PRKDC: variants seen among roughly 807,000 people sequenced by gnomAD.
PRKDC encodes the protein DNA-dependent protein kinase catalytic subunit.
Under a neutral mutation model 486.9 loss-of-function variants are expected in PRKDC, and 82 were observed. That is an observed-to-expected ratio of 0.17 (90% confidence interval 0.14 to 0.20). PRKDC has a LOEUF of 0.20. PRKDC is among the 10% of genes least tolerant of loss of function. PRKDC has a pLI of 1.00. For missense variants in PRKDC, 4,504 were observed against 5,038.2 expected, an observed-to-expected ratio of 0.89 and a Z score of 3.21; for synonymous variants, 1,895 against 1,837.0, an observed-to-expected ratio of 1.03 and a Z score of -0.81.
At chr8:47,849,570 TTTATC>T (rs1434155385) in intron 52 of PRKDC, 67 bp from the exon 53 acceptor site, 2 of 1,541,978 alleles carry the variant, frequency 1.3e-6, no homozygotes, top group South Asian at 1.2e-5. Context: ...GAAAGCAAAG[TTTATC>T]TTGAGTATTT....
chr8:47,879,781 C>A, intron 38 of PRKDC, 123 bp from the exon 39 acceptor site: 2 of 665,158 alleles, frequency 3.0e-6, no homozygotes, highest in Non-Finnish European at 2.2e-6. Flanking sequence ...ATGGCTTCAC[C>A]ATAATTTCTA....
chr8:47,853,489 CAAAG>C (rs1315131225), intron 51 of PRKDC, among the ~76,000 whole-genome samples: 1 of 152,126 alleles, frequency 6.6e-6, no homozygotes, highest in East Asian at 1.9e-4. Flanking sequence ...AGGAGCAGGA[CAAAG>C]ATGTCCTGCT....
In PRKDC at chr8:47,777,365, C is replaced by T. The variant is rs1006718051; in HGVS notation, c.12042+321G>A. The stretch of plus-strand genomic sequence containing the variant: ...CTGGGATTACAGGTGTGCGTTACCA[C>T]GCCCAGCTAATTTCTGTATTTTTAG... On this transcript the variant is annotated intron_variant, in intron 84 of 85. Transcript: ENST00000314191. Among the ~76,000 whole-genome samples, 7 of 152,110 alleles carry T rather than the reference C, an allele frequency of 4.6e-5. No individual in the cohort carries two copies. In the South Asian group the frequency reaches 6.2e-4, roughly 14 times the overall value.
chr8:47,942,376 C>T (rs1311656813), intron 10 of PRKDC, among the ~76,000 whole-genome samples: 4 of 152,110 alleles, frequency 2.6e-5, no homozygotes, highest in Non-Finnish European at 4.4e-5. Flanking sequence ...GAGGGACAGG[C>T]GGCAGAGGCA....
Position 47,864,655 on chromosome 8 carries a change from G to T in PRKDC, c.5472C>A (p.Leu1824=), listed in dbSNP as rs1375896019. 6.2e-7 allele frequency: 1 copy of T among 1,608,990 alleles called. No homozygotes were observed. The highest frequency in any genetic ancestry group is 1.7e-5 in the Admixed American group (1 of 59,192). The change falls in exon 41 of 86, where the codon CTC becomes CTA. Residue 1824 remains leucine, a synonymous_variant. Coordinates refer to ENST00000314191, the MANE Select transcript of PRKDC (RefSeq NM_006904.7). ...FTRQSFVDRS[L]LTLLWHCSLD... is the part of the protein sequence containing the mutation. ...GGCTACAGTGCCACAGCAGAGTGAG[G>T]AGGGAGCGGTCCACAAAGGACTGGC...
intron 26 of PRKDC, among the ~76,000 whole-genome samples, chr8:47,903,012 T>C (rs184194141): frequency 6.6e-6 from 1 of 152,354 alleles, no homozygotes; most frequent in East Asian, 1.9e-4. Context: ...AAACATTTTC[T>C]TTTAAACAAA....
chr8:47,876,966 C>T (rs1044155618), intron 40 of PRKDC, among the ~76,000 whole-genome samples: 2 of 152,170 alleles, frequency 1.3e-5, no homozygotes, highest in African/African-American at 4.8e-5. Context: ...CATTATGCAC[C>T]TCCTAATGCC....
chr8:47,775,316 C>T (rs1384330756), intron 85 of PRKDC, among the ~76,000 whole-genome samples: 5 of 150,922 alleles, frequency 3.3e-5, no homozygotes, highest in African/African-American at 1.2e-4. Context: ...CGCTTATTGG[C>T]CATTTGTATA....
chr8:47,900,340 G>A lies in PRKDC; in HGVS notation c.3364+33C>T, dbSNP rs2089656599. 3.3e-6 allele frequency: 5 copies of A among 1,528,700 alleles called. No individual in the cohort carries two copies. The South Asian group carries it at 6.2e-5, about 19-fold the overall frequency. 94.7% of individuals were successfully genotyped at this position (1,528,700 alleles called of 1,614,324 possible). On this transcript the variant is annotated intron_variant, in intron 28 of 85. Coordinates refer to ENST00000314191, the MANE Select transcript of PRKDC (RefSeq NM_006904.7). ...CTCATTGGGGAAACTCTTCAGACCT[G>A]TAACGCACACAGAACACTGAAGCAA...
chr8:47,812,635 T>C (rs1034376839), intron 68 of PRKDC, among the ~76,000 whole-genome samples: 47 of 152,208 alleles, frequency 3.1e-4, no homozygotes, highest in African/African-American at 1.1e-3. Flanking sequence ...ATGCTTATAT[T>C]AGGAGGAAGA....
intron 25 of PRKDC, among the ~76,000 whole-genome samples, chr8:47,909,236 C>A (rs1043978161): frequency 2.0e-5 from 3 of 152,144 alleles, no homozygotes; most frequent in East Asian, 1.9e-4. Context: ...GGCAGAAGAA[C>A]GTAAATTGTG....
intron 69 of PRKDC, among the ~76,000 whole-genome samples, chr8:47,806,362 A>T (rs1345128421): frequency 6.6e-6 from 1 of 152,042 alleles, no homozygotes; most frequent in Non-Finnish European, 1.5e-5. Flanking sequence ...TTCTGGCCAC[A>T]CCCTGCTTTT....
Position 47,957,450 on chromosome 8 carries a change from A to G in PRKDC, c.155-19T>C, listed in dbSNP as rs1226566976. The G allele has an allele frequency of 6.4e-7, 1 of 1,552,998 alleles. No individual in the cohort carries two copies. On this transcript the variant is annotated intron_variant, in intron 1 of 85. Transcript: ENST00000314191. ...TGTAATGCTGTTCAAAAAAATAAGTAAACAAGTTAAGAGAGTGCCAAGAGC... is the reference window on the plus strand; with the variant it reads ...TGTAATGCTGTTCAAAAAAATAAGTGAACAAGTTAAGAGAGTGCCAAGAGC...
At chr8:47,821,533 A>G (rs2087595355) in intron 65 of PRKDC, 71 bp downstream of exon 65, 1 of 1,460,146 alleles carries the variant, frequency 6.8e-7, no homozygotes, top group African/African-American at 1.4e-5. Context: ...GAAATGTTTT[A>G]AACAATTTTG....
intron 30 of PRKDC, among the ~76,000 whole-genome samples, 180 bp from the exon 31 acceptor site, chr8:47,893,567 C>T (rs1211856531): frequency 2.0e-5 from 3 of 152,294 alleles, no homozygotes; most frequent in Non-Finnish European, 2.9e-5. Context: ...TCTTCAGGTT[C>T]CTCAAACATT....
rs925000558 is a variant in PRKDC, at chr8:47,860,554, T to C, written c.6058+345A>G. 2.0e-5 allele frequency among the ~76,000 whole-genome samples: 3 copies of C among 152,222 alleles called. No individual in the cohort carries two copies. In the South Asian group the frequency reaches 6.2e-4, roughly 31 times the overall value. ...GCTCGAAAGGACTTGTATTCTAATG[T>C]AGACTTCTGAATGTATCTAAACAAC... On this transcript the variant is annotated intron_variant, in intron 45 of 85. Coordinates refer to ENST00000314191, the MANE Select transcript of PRKDC (RefSeq NM_006904.7).
intron 68 of PRKDC, among the ~76,000 whole-genome samples, chr8:47,813,827 G>A (rs546824289): frequency 6.6e-6 from 1 of 152,242 alleles, no homozygotes; most frequent in Admixed American, 6.5e-5. Context: ...GCCCACCTTG[G>A]CCTCCCAAAG....
chr8:47,831,791 C>A lies in PRKDC; in HGVS notation c.8265+23G>T. 3 of 1,609,448 alleles carry A rather than the reference C, an allele frequency of 1.9e-6. No individual in the cohort carries two copies. In the South Asian group the frequency reaches 3.3e-5, roughly 18 times the overall value. On this transcript the variant is annotated intron_variant, in intron 60 of 85. Coordinates refer to ENST00000314191, the MANE Select transcript of PRKDC (RefSeq NM_006904.7). Reference sequence around the variant, plus strand: ...GTGACAGAAACTGCATCGTTCTGATCAAATTCTTGACAAGATACAAACCTT... The same window carrying A: ...GTGACAGAAACTGCATCGTTCTGATAAAATTCTTGACAAGATACAAACCTT...
chr8:47,844,619 A>G (rs2088223581), intron 54 of PRKDC, among the ~76,000 whole-genome samples: 1 of 152,210 alleles, frequency 6.6e-6, no homozygotes, highest in African/African-American at 2.4e-5. Flanking sequence ...ATACTCTAAG[A>G]TCAACCACAT....
Sources: gnomAD v4.1 joint callset for allele counts (sites outside exome capture counted in the v4.1 genomes callset) on GRCh38, gnomAD v4.1.1 for gene constraint, MANE v1.5 for transcripts, NCBI Gene and HGNC (gene_info 2026-07-23, HGNC 2026-07-21) for gene names.